The following CHSY3 variants were observed in gnomAD, a reference collection of about 807,000 sequenced individuals.
CHSY3 encodes the protein N-acetylgalactosaminyl-proteoglycan 3-beta-glucuronosyltransferase 3.
A neutral mutation model predicts 67.2 loss-of-function variants in CHSY3; 35 were observed. The ratio of observed to expected loss-of-function variants is 0.52; its 90% confidence interval spans 0.40 to 0.69. CHSY3 has a LOEUF of 0.69. CHSY3 is among the 30% of genes least tolerant of loss of function. The probability of loss-of-function intolerance (pLI) is 0.00; values close to 1 mark genes in which losing one functional copy is unlikely to be tolerated. For missense variants in CHSY3, 1,069 were observed against 1,138.5 expected, an observed-to-expected ratio of 0.94 and a Z score of 0.88; for synonymous variants, 474 against 434.7, an observed-to-expected ratio of 1.09 and a Z score of -1.12.
intron 2 of CHSY3, among the ~76,000 whole-genome samples, chr5:130,036,089 A>T (rs1764855709): frequency 6.6e-6 from 1 of 151,910 alleles, no homozygotes; most frequent in African/African-American, 2.4e-5. Flanking sequence ...ATATGGGAAG[A>T]TAGATTTAGC....
intron 2 of CHSY3, among the ~76,000 whole-genome samples, chr5:130,178,099 G>C (rs1276202020): frequency 6.7e-6 from 1 of 148,466 alleles, no homozygotes; most frequent in African/African-American, 2.5e-5. Flanking sequence ...TGTGTGGATA[G>C]ATGGATATAA....
At chr5:129,954,583 T>G (rs2149603317) in intron 2 of CHSY3, among the ~76,000 whole-genome samples, 1 of 152,216 alleles carries the variant, frequency 6.6e-6, no homozygotes, top group Admixed American at 6.5e-5. Flanking sequence ...CGTATGGCCA[T>G]TTTCACAATA....
rs1453207748 is a variant in CHSY3 at position 130,186,364 on chromosome 5, A to AG, written c.*574dup. On this transcript the variant is annotated 3_prime_UTR_variant, in exon 3 of 3. Coordinates refer to ENST00000305031, the MANE Select transcript of CHSY3 (RefSeq NM_175856.5). ...GATTGTATGTTTATTTTTTAAAAAA[A>AG]GTTTTAAAAATTGAGGAGTTTTGTT... The AG allele has an allele frequency of 7.3e-5, 11 of 150,652 alleles. No individual in the cohort carries two copies. The highest frequency in any genetic ancestry group is 2.0e-4 in the African/African-American group (8 of 39,504). 9.3% of individuals were successfully genotyped at this position (150,652 alleles called of 1,614,324 possible).
At chr5:130,005,330 G>A (rs1447853623) in intron 2 of CHSY3, among the ~76,000 whole-genome samples, 3 of 151,914 alleles carry the variant, frequency 2.0e-5, no homozygotes, top group Non-Finnish European at 4.4e-5. Context: ...CAGGAGAATC[G>A]CTTGAACCCG....
chr5:130,043,240 T>A (rs1008721399), intron 2 of CHSY3, among the ~76,000 whole-genome samples: 2 of 151,986 alleles, frequency 1.3e-5, no homozygotes, highest in Admixed American at 1.3e-4. Flanking sequence ...GTCAAATACA[T>A]AATTTTTAAT....
At chr5:130,087,441 A>G in intron 2 of CHSY3, among the ~76,000 whole-genome samples, 1 of 151,980 alleles carries the variant, frequency 6.6e-6, no homozygotes, top group African/African-American at 2.4e-5. Flanking sequence ...CTGTTTGCAG[A>G]TGACATGATT....
intron 2 of CHSY3, among the ~76,000 whole-genome samples, chr5:130,126,882 A>G (rs1768310110): frequency 6.6e-6 from 1 of 152,180 alleles, no homozygotes; most frequent in African/African-American, 2.4e-5. Flanking sequence ...TTCATACCCC[A>G]TTAGTGAGCC....
intron 2 of CHSY3, among the ~76,000 whole-genome samples, chr5:129,946,496 T>G (rs1398591520): frequency 6.6e-6 from 1 of 152,216 alleles, no homozygotes; most frequent in African/African-American, 2.4e-5. Context: ...TTTGTTTTAA[T>G]CTATAATTTC....
intron 2 of CHSY3, among the ~76,000 whole-genome samples, chr5:130,112,735 C>T (rs1767628891): frequency 6.6e-6 from 1 of 152,048 alleles, no homozygotes; most frequent in Admixed American, 6.6e-5. Context: ...AATGTACAAG[C>T]TGCTGCTGAG....
At chr5:130,010,283 T>C (rs565098505) in intron 2 of CHSY3, among the ~76,000 whole-genome samples, 92 of 152,300 alleles carry the variant, frequency 6.0e-4, no homozygotes, top group African/African-American at 2.1e-3. Context: ...CCAGCCATAC[T>C]CTTGGACCAC....
intron 2 of CHSY3, among the ~76,000 whole-genome samples, chr5:130,027,719 G>A (rs35881839): frequency 0.021 from 3,263 of 151,904 alleles, 110 homozygotes; most frequent in African/African-American, 0.072. Context: ...AGAACATGCG[G>A]TGTTGCGTTT....
At chr5:130,175,615 G>A (rs537102348) in intron 2 of CHSY3, among the ~76,000 whole-genome samples, 1 of 152,064 alleles carries the variant, frequency 6.6e-6, no homozygotes, top group Non-Finnish European at 1.5e-5. Context: ...ATACTACAAG[G>A]CTACAGTAAT....
chr5:129,964,601 T>C (rs1762422129), intron 2 of CHSY3, among the ~76,000 whole-genome samples: 1 of 151,740 alleles, frequency 6.6e-6, no homozygotes, highest in African/African-American at 2.4e-5. Context: ...TCCTATCTCG[T>C]CTTATTTTAA....
At chr5:130,103,622 G>T (rs1430634329) in intron 2 of CHSY3, among the ~76,000 whole-genome samples, 2 of 151,966 alleles carry the variant, frequency 1.3e-5, no homozygotes, top group Admixed American at 1.3e-4. Flanking sequence ...TATAGAGAGA[G>T]ATATATGTAT....
chr5:129,908,309 A>C lies in CHSY3; in HGVS notation c.1035A>C (p.Val345=). 1 of 1,614,130 alleles carries C rather than the reference A, an allele frequency of 6.2e-7. No homozygotes were observed. Among genetic ancestry groups the C allele is most frequent in the East Asian group, 2.2e-5 (1 of 44,890 alleles). The change falls in exon 2 of 3, where the codon GTA becomes GTC. Residue 345 remains valine (V), a synonymous_variant. Transcript: ENST00000305031. ...EMYTTHEDVE[V]GRCVRRFGGT... is the part of the protein sequence containing the mutation. ...ACACGACTCATGAGGATGTGGAAGT[A>C]GGAAGATGCGTTCGCCGTTTTGGTG... is the stretch of plus-strand genomic sequence containing the variant.
rs33960181 is a variant in CHSY3 at position 129,932,103 on chromosome 5, C to CATATATATAT, written c.1086+23774_1086+23783dup. On this transcript the variant is annotated intron_variant, in intron 2 of 2. Coordinates refer to ENST00000305031, the MANE Select transcript of CHSY3 (RefSeq NM_175856.5). ...CCATATGTAATGTAAACCATAAAAC[C>CATATATATAT]ATATATATATATATATATATATATA... Among the ~76,000 whole-genome samples the CATATATATAT allele has an allele frequency of 4.8e-3, 552 of 114,588 alleles. 8 individuals are homozygous for CATATATATAT. The highest frequency in any genetic ancestry group is 6.8e-3 in the South Asian group (23 of 3,358). 75.2% of individuals were successfully genotyped at this position (114,588 alleles called of 152,430 possible). A position where few individuals can be genotyped will look rare whatever the true frequency, so the allele number is the denominator to read the frequency against.
At chr5:130,063,880 A>G (rs1410471916) in intron 2 of CHSY3, among the ~76,000 whole-genome samples, 1 of 152,008 alleles carries the variant, frequency 6.6e-6, no homozygotes, top group African/African-American at 2.4e-5. Flanking sequence ...TGGCCTAATC[A>G]CCCCTAGAAG....
At chr5:130,056,622 A>G (rs1248900163) in intron 2 of CHSY3, among the ~76,000 whole-genome samples, 1 of 152,210 alleles carries the variant, frequency 6.6e-6, no homozygotes, top group African/African-American at 2.4e-5. Context: ...GCAAATACCT[A>G]TCACAAAATC....
At chr5:130,110,056 C>A (rs1036611096) in intron 2 of CHSY3, among the ~76,000 whole-genome samples, 3 of 151,824 alleles carry the variant, frequency 2.0e-5, no homozygotes, top group African/African-American at 7.2e-5. Context: ...GAACAATCTG[C>A]AACTACTCTG....
Sources: allele counts gnomAD v4.1 joint callset (sites outside exome capture counted in the v4.1 genomes callset), GRCh38; gene constraint gnomAD v4.1.1; transcripts MANE v1.5; gene names NCBI Gene and HGNC (gene_info 2026-07-23, HGNC 2026-07-21).